HDGFL3: variants seen among roughly 807,000 people sequenced by gnomAD.
HDGFL3 encodes the protein HDGF like 3.
Under a neutral mutation model 27.6 loss-of-function variants are expected in HDGFL3, and 6 were observed. That is an observed-to-expected ratio of 0.22 (90% CI 0.12 to 0.43). The LOEUF (loss-of-function observed/expected upper bound fraction) is 0.43, where lower values mean the gene tolerates loss of function less well. Among genes scored for constraint, HDGFL3 ranks in the 20% least tolerant of loss-of-function variants. The pLI is 1.00. For missense variants in HDGFL3, 207 were observed against 250.1 expected (o/e 0.83, Z 1.16); for synonymous variants, 88 against 88.9 (o/e 0.99, Z 0.05).
rs111782760 is a variant in HDGFL3, at chr15:83,154,061, T to C, written c.460-2700A>G. Among the ~76,000 whole-genome samples the C allele has an allele frequency of 1.7e-3, 262 of 151,576 alleles. 3 individuals are homozygous for C. The highest frequency in any genetic ancestry group is 6.1e-3 in the African/African-American group (250 of 41,290). On this transcript the variant is annotated intron_variant, in intron 4 of 5. Coordinates refer to ENST00000299633, the MANE Select transcript of HDGFL3 (RefSeq NM_016073.4). Reference sequence around the variant, plus strand: ...CGGGCACAGTGGCTCACACCTGTAATCCCAGCACTCTGGGAGGTTGAGGCG... The same window carrying C: ...CGGGCACAGTGGCTCACACCTGTAACCCCAGCACTCTGGGAGGTTGAGGCG...
At chr15:83,171,658 A>C (rs531948505) in intron 1 of HDGFL3, among the ~76,000 whole-genome samples, 8 of 151,358 alleles carry the variant, frequency 5.3e-5, no homozygotes, top group Non-Finnish European at 7.4e-5. Context: ...AAAATACCGC[A>C]TGTTCTTACT....
chr15:83,199,108 C>G (rs2037606505), intron 1 of HDGFL3, among the ~76,000 whole-genome samples: 1 of 152,182 alleles, frequency 6.6e-6, no homozygotes, highest in Non-Finnish European at 1.5e-5. Context: ...ACTTCATCAT[C>G]ATGTAGTAGT....
At chr15:83,150,259 T>C (rs28536574) in intron 5 of HDGFL3, among the ~76,000 whole-genome samples, 13 of 152,136 alleles carry the variant, frequency 8.5e-5, no homozygotes, top group Middle Eastern at 3.2e-3. Flanking sequence ...GCAGGTCGAA[T>C]AGAAAGAAAA....
chr15:83,141,349 G>C (rs771850076), intron 5 of HDGFL3, among the ~76,000 whole-genome samples: 3 of 152,144 alleles, frequency 2.0e-5, no homozygotes, highest in Non-Finnish European at 2.9e-5. Context: ...CCAGAACACT[G>C]TAAGCAGAAG....
intron 1 of HDGFL3, among the ~76,000 whole-genome samples, chr15:83,181,403 C>T (rs1371041725): frequency 2.6e-5 from 4 of 152,226 alleles, no homozygotes; most frequent in Non-Finnish European, 4.4e-5. Context: ...GAACACAGCT[C>T]GAATAGTTAA....
At position 83,113,001 on chromosome 15, in the gene HDGFL3, TTGG is replaced by T. The variant is rs2034327337; in HGVS notation, c.*2705_*2707del. ...CTTGGTTGTGAATACTCTGAGCCCT[TTGG>T]TAACAGTGGCTGCAAGTGTAGGGGT... On this transcript the variant is annotated 3_prime_UTR_variant, in exon 4 of 4. Transcript: ENST00000568294. 3.0e-6 allele frequency: 3 copies of T among 991,386 alleles called. No individual in the cohort carries two copies. In the Admixed American group the frequency reaches 5.4e-5, roughly 18 times the overall value. The allele number at this position is 991,386 out of a possible 1,614,324, so 61.4% of individuals were successfully genotyped here.
At chr15:83,194,599 G>A (rs138687028) in intron 1 of HDGFL3, among the ~76,000 whole-genome samples, 43 of 152,092 alleles carry the variant, frequency 2.8e-4, no homozygotes, top group African/African-American at 1.0e-3. Flanking sequence ...ATTACAATGA[G>A]CACATAAAAA....
intron 1 of HDGFL3, among the ~76,000 whole-genome samples, chr15:83,206,901 G>A (rs527876310): frequency 6.6e-6 from 1 of 152,332 alleles, no homozygotes; most frequent in East Asian, 1.9e-4. Flanking sequence ...ACTGCCCGCC[G>A]GCACTCGCCG....
chr15:83,178,205 T>C (rs2037336245), intron 1 of HDGFL3, among the ~76,000 whole-genome samples: 1 of 152,160 alleles, frequency 6.6e-6, no homozygotes, highest in Non-Finnish European at 1.5e-5. Context: ...CTTCATAAGA[T>C]TAAAAAGGGA....
In HDGFL3 at chr15:83,132,906, C is replaced by T. The variant is rs1015869185; in HGVS notation, c.*6364G>A. ...GTACTTATCCTTTCATGGAGACACT[C>T]ACAGTAAAAAGGTCAAAAGGTCAAG... On this transcript the variant is annotated 3_prime_UTR_variant, in exon 6 of 6. Transcript: ENST00000299633. 1 of 152,184 alleles carries T rather than the reference C, an allele frequency of 6.6e-6. No individual in the cohort carries two copies. The highest frequency in any genetic ancestry group is 2.4e-5 in the African/African-American group (1 of 41,432). 9.4% of individuals were successfully genotyped at this position (152,184 alleles called of 1,614,324 possible).
intron 3 of HDGFL3, chr15:83,119,767 TACAC>T (rs1426998488): frequency 1.3e-6 from 2 of 1,588,528 alleles, no homozygotes. Context: ...TAGAGGCAAA[TACAC>T]AAGCAGGTAT....
At chr15:83,115,372 C>G (rs1436301889) in exon 4 of HDGFL3, 5 of 292,024 alleles carry the variant, frequency 1.7e-5, no homozygotes, top group African/African-American at 1.1e-4. Flanking sequence ...CCTGCTTCAG[C>G]CTCCCAAAGT....
At position 83,202,137 on chromosome 15, in the gene HDGFL3, A is replaced by G. The variant is rs1037992310; in HGVS notation, c.84+5194T>C. On this transcript the variant is annotated intron_variant, in intron 1 of 5. Transcript: ENST00000299633. ...CAGAAAAGGAAGATTCCCAACAAAT[A>G]TTTATATTAATAAAGGGTATGGAAA... 5.3e-5 allele frequency among the ~76,000 whole-genome samples: 8 copies of G among 152,246 alleles called. No homozygotes were observed. In the East Asian group the frequency reaches 1.5e-3, roughly 29 times the overall value.
At chr15:83,119,544 T>G in intron 3 of HDGFL3, 1 of 1,515,084 alleles carries the variant, frequency 6.6e-7, no homozygotes, top group Non-Finnish European at 9.2e-7. Flanking sequence ...ACAGGTCTTA[T>G]TTAAAGTGGA....
chr15:83,170,936 T>C (rs1305541750), intron 1 of HDGFL3, among the ~76,000 whole-genome samples: 1 of 148,222 alleles, frequency 6.7e-6, no homozygotes, highest in Non-Finnish European at 1.5e-5. Context: ...GAAGAAACAC[T>C]TCTCAAAAGA....
In HDGFL3 at chr15:83,159,131, G is replaced by A. The variant is rs200552843; in HGVS notation, c.162-1090C>T. On this transcript the variant is annotated intron_variant, in intron 2 of 5. Transcript: ENST00000299633. ...GTTGGGATTACAGGCATAAGCCACC[G>A]TGCCCAGCCTATTATTTCTATAAAT... 5.5e-4 allele frequency among the ~76,000 whole-genome samples: 84 copies of A among 152,212 alleles called. No individual in the cohort carries two copies. In the East Asian group the frequency reaches 0.015, roughly 27 times the overall value.
chr15:83,141,362 A>G (rs1002769337), intron 5 of HDGFL3, among the ~76,000 whole-genome samples: 1 of 152,230 alleles, frequency 6.6e-6, no homozygotes, highest in African/African-American at 2.4e-5. Context: ...AGCAGAAGCT[A>G]TGAAACAACA....
intron 5 of HDGFL3, among the ~76,000 whole-genome samples, chr15:83,148,548 G>A (rs2036927602): frequency 6.6e-6 from 1 of 151,982 alleles, no homozygotes; most frequent in Non-Finnish European, 1.5e-5. Flanking sequence ...TGTGAACCTG[G>A]GATGCAGAGC....
chr15:83,204,089 G>A (rs1004441868), intron 1 of HDGFL3, among the ~76,000 whole-genome samples: 2 of 150,158 alleles, frequency 1.3e-5, no homozygotes, highest in African/African-American at 2.5e-5. Context: ...GAGAAGGAAG[G>A]AGGAGGACAG....
Sources: gnomAD v4.1 joint callset for allele counts (sites outside exome capture counted in the v4.1 genomes callset) on GRCh38, gnomAD v4.1.1 for gene constraint, MANE v1.5 for transcripts, NCBI Gene and HGNC (gene_info 2026-07-23, HGNC 2026-07-21) for gene names.